The following ARHGAP26 variants were observed in gnomAD, a reference collection of about 807,000 sequenced individuals.
ARHGAP26 encodes the protein rho GTPase-activating protein 26.
A neutral mutation model predicts 104.8 loss-of-function variants in ARHGAP26; 38 were observed. That is an observed-to-expected ratio of 0.36 (90% CI 0.28 to 0.48). The LOEUF (loss-of-function observed/expected upper bound fraction) is 0.48, where lower values mean the gene tolerates loss of function less well. Among genes scored for constraint, ARHGAP26 ranks in the 20% least tolerant of loss-of-function variants. ARHGAP26 has a pLI of 0.99. For missense variants in ARHGAP26, 704 were observed against 947.9 expected (o/e 0.74, Z 3.38); for synonymous variants, 341 against 340.0 (o/e 1.00, Z -0.03).
intron 1 of ARHGAP26, among the ~76,000 whole-genome samples, chr5:142,791,941 C>CAA (rs11397426): frequency 0.041 from 2,633 of 64,688 alleles, 61 homozygotes; most frequent in South Asian, 0.075. Flanking sequence ...AAACCCGTCT[C>CAA]AAAAAAAAAA....
chr5:142,779,424 G>GGGGTGTGT (rs535615737), intron 1 of ARHGAP26, among the ~76,000 whole-genome samples: 14 of 149,778 alleles, frequency 9.3e-5, no homozygotes, highest in Middle Eastern at 3.4e-3. Flanking sequence ...GGGTTAGGGT[G>GGGGTGTGT]GTGTGTGTGT....
intron 4 of ARHGAP26, among the ~76,000 whole-genome samples, chr5:142,884,058 A>ATG (rs1562012222): frequency 6.6e-6 from 1 of 152,202 alleles, no homozygotes; most frequent in Non-Finnish European, 1.5e-5. Flanking sequence ...AAACATCCCT[A>ATG]TGGGTTCAGG....
chr5:142,977,953 A>G (rs1312378800), intron 11 of ARHGAP26, among the ~76,000 whole-genome samples: 3 of 152,222 alleles, frequency 2.0e-5, no homozygotes, highest in South Asian at 2.1e-4. Flanking sequence ...TCATCAGCCC[A>G]TGGCTGGGAT....
At chr5:142,891,504 T>A (rs1446055854) in intron 5 of ARHGAP26, among the ~76,000 whole-genome samples, 2 of 152,014 alleles carry the variant, frequency 1.3e-5, no homozygotes, top group Non-Finnish European at 2.9e-5. Flanking sequence ...CTTAACTTAC[T>A]TATTTGACTA....
intron 11 of ARHGAP26, among the ~76,000 whole-genome samples, chr5:142,948,564 A>G (rs768307284): frequency 2.0e-5 from 3 of 151,884 alleles, no homozygotes; most frequent in South Asian, 4.1e-4. Context: ...CCCTGTGGCC[A>G]TGCTGAAGAA....
intron 12 of ARHGAP26, among the ~76,000 whole-genome samples, chr5:143,019,653 G>C (rs1027193898): frequency 2.0e-5 from 3 of 152,228 alleles, no homozygotes. Context: ...TTGTCAGAGA[G>C]AACACACCAG....
chr5:142,903,395 T>C (rs572914906), intron 7 of ARHGAP26, 145 bp from the exon 8 acceptor site: 1 of 795,012 alleles, frequency 1.3e-6, no homozygotes, highest in South Asian at 1.9e-5. Context: ...CAAAGTATAC[T>C]TGTCATAAGG....
intron 20 of ARHGAP26, among the ~76,000 whole-genome samples, chr5:143,156,616 A>T (rs560509714): frequency 1.3e-5 from 2 of 152,352 alleles, no homozygotes; most frequent in South Asian, 4.1e-4. Flanking sequence ...GCCATAGTGC[A>T]TAGTGATCTA....
At chr5:143,135,323 G>T (rs1797789509) in intron 19 of ARHGAP26, among the ~76,000 whole-genome samples, 1 of 152,148 alleles carries the variant, frequency 6.6e-6, no homozygotes, top group African/African-American at 2.4e-5. Flanking sequence ...CCCTTCAAAT[G>T]TTGCCAGGAG....
chr5:142,988,901 T>G (rs1160396490), intron 11 of ARHGAP26, among the ~76,000 whole-genome samples: 1 of 152,220 alleles, frequency 6.6e-6, no homozygotes, highest in East Asian at 1.9e-4. Context: ...GAGGAGTGCT[T>G]TACTTCCAAC....
chr5:143,139,109 C>G (rs961816958), intron 19 of ARHGAP26, among the ~76,000 whole-genome samples: 1 of 152,018 alleles, frequency 6.6e-6, no homozygotes, highest in African/African-American at 2.4e-5. Flanking sequence ...GGGCATCTGC[C>G]GGTAAAATGC....
At chr5:142,913,318 A>T in intron 10 of ARHGAP26, 25 bp downstream of exon 10, 1 of 1,591,256 alleles carries the variant, frequency 6.3e-7, no homozygotes, top group South Asian at 1.1e-5. Context: ...TGCTTTTCTC[A>T]GGAGCAAATA....
intron 1 of ARHGAP26, among the ~76,000 whole-genome samples, chr5:142,807,098 A>G (rs1163301422): frequency 6.6e-6 from 1 of 152,202 alleles, no homozygotes; most frequent in Admixed American, 6.5e-5. Context: ...AATAATGACA[A>G]CCGTGATAAT....
intron 1 of ARHGAP26, among the ~76,000 whole-genome samples, chr5:142,870,810 G>T (rs1325693231): frequency 2.0e-5 from 3 of 152,176 alleles, no homozygotes; most frequent in Non-Finnish European, 4.4e-5. Context: ...CCCAGGAGCT[G>T]TGGGATTGGG....
At chr5:143,164,615 T>C (rs534929910) in intron 20 of ARHGAP26, among the ~76,000 whole-genome samples, 2 of 152,302 alleles carry the variant, frequency 1.3e-5, no homozygotes, top group Admixed American at 6.5e-5. Flanking sequence ...TTCTTTTCAC[T>C]AGTATGCCAA....
intron 1 of ARHGAP26, among the ~76,000 whole-genome samples, chr5:142,808,416 CCTTTT>C (rs1430087867): frequency 6.6e-6 from 1 of 151,670 alleles, no homozygotes; most frequent in Non-Finnish European, 1.5e-5. Flanking sequence ...TTCTGCATTC[CCTTTT>C]CTTTCCTTTC....
At chr5:142,949,202 A>AGTG (rs1445451552) in intron 11 of ARHGAP26, among the ~76,000 whole-genome samples, 1 of 21,502 alleles carries the variant, frequency 4.7e-5, no homozygotes, top group Non-Finnish European at 7.7e-5. Context: ...AGAGAGAGAG[A>AGTG]GAGAGAGAGA....
chr5:142,837,215 G>T (rs1199968263), intron 1 of ARHGAP26, among the ~76,000 whole-genome samples: 1 of 152,126 alleles, frequency 6.6e-6, no homozygotes, highest in Non-Finnish European at 1.5e-5. Flanking sequence ...CTTGGCAAGA[G>T]AAAACAAAAG....
At chr5:143,218,060 C>G (rs553692217) in intron 22 of ARHGAP26, among the ~76,000 whole-genome samples, 7 of 152,284 alleles carry the variant, frequency 4.6e-5, no homozygotes, top group African/African-American at 1.7e-4. Context: ...CCAGTCAAAT[C>G]CAACCCGCCA....
Sources: gnomAD v4.1 joint callset for allele counts (sites outside exome capture counted in the v4.1 genomes callset) on GRCh38, gnomAD v4.1.1 for gene constraint, MANE v1.5 for transcripts, NCBI Gene and HGNC (gene_info 2026-07-23, HGNC 2026-07-21) for gene names.